Variants in CYB561A3 observed in about 807,000 individuals in gnomAD.
CYB561A3 encodes cytochrome b561 family member A3, also known as lysosomal membrane ascorbate-dependent ferrireductase CYB561A3.
A neutral mutation model predicts 25.3 loss-of-function variants in CYB561A3; 16 were observed. The ratio of observed to expected loss-of-function variants is 0.63; its 90% confidence interval spans 0.43 to 0.96. CYB561A3 has a LOEUF of 0.96. CYB561A3 is among the 40% of genes least tolerant of loss of function. The pLI is 0.00. For synonymous variants in CYB561A3, 131 were observed against 129.9 expected, an observed-to-expected ratio of 1.01 and a Z score of -0.06; for missense variants, 219 against 307.5, an observed-to-expected ratio of 0.71 and a Z score of 2.15.
At chr11:61,358,609 C>T (rs1857730474) in intron 1 of CYB561A3, 2 of 151,520 alleles carry the variant, frequency 1.3e-5, no homozygotes, top group African/African-American at 2.4e-5. Flanking sequence ...CCTTTAGTCC[C>T]AGCTAGCTAC....
intron 2 of CYB561A3, chr11:61,357,159 A>C: frequency 6.5e-7 from 1 of 1,550,300 alleles, no homozygotes; most frequent in Non-Finnish European, 8.7e-7. Context: ...TAAGATAAGA[A>C]GGCAAAAATT....
intron 1 of CYB561A3, among the ~76,000 whole-genome samples, 189 bp downstream of exon 1, chr11:61,361,544 C>G (rs577259921): frequency 1.3e-5 from 2 of 152,304 alleles, no homozygotes; most frequent in East Asian, 3.9e-4. Flanking sequence ...GTGCTTTCTG[C>G]GTCCTCTGAA....
At chr11:61,353,319 A>G in intron 4 of CYB561A3, 180 bp from the exon 5 acceptor site, 2 of 762,250 alleles carry the variant, frequency 2.6e-6, no homozygotes, top group Non-Finnish European at 4.1e-6. Flanking sequence ...CCCAAGCAAC[A>G]AGAACAGTAA....
At chr11:61,350,938 C>T in intron 6 of CYB561A3, 53 bp downstream of exon 6, 1 of 1,547,534 alleles carries the variant, frequency 6.5e-7, no homozygotes, top group East Asian at 2.3e-5. Context: ...GTGGGAGATC[C>T]TTCTCTAGAC....
rs1295099204 is a variant in CYB561A3 at position 61,349,291 on chromosome 11, G to A, written c.*1108C>T. 3 of 466,306 alleles carry A rather than the reference G, an allele frequency of 6.4e-6. No individual in the cohort carries two copies. The highest frequency in any genetic ancestry group is 1.2e-5 in the Non-Finnish European group (3 of 251,236). 28.9% of individuals were successfully genotyped at this position (466,306 alleles called of 1,614,324 possible). On this transcript the variant is annotated 3_prime_UTR_variant, in exon 7 of 7. Coordinates refer to ENST00000294072, the MANE Select transcript of CYB561A3 (RefSeq NM_153611.6). ...TGGTGGGGCCAGGTGAAGCAATGTGGGTCTCAGCAAGGAACCCCTCTGAAG... is the reference window on the plus strand; with the variant it reads ...TGGTGGGGCCAGGTGAAGCAATGTGAGTCTCAGCAAGGAACCCCTCTGAAG...
intron 5 of CYB561A3, chr11:61,352,701 A>C (rs903577131): frequency 1.2e-6 from 1 of 834,398 alleles, no homozygotes; most frequent in African/African-American, 1.8e-5. Flanking sequence ...CAACAATACC[A>C]ATCAATACCA....
Position 61,356,619 on chromosome 11 carries a change from C to T in CYB561A3, c.95G>A (p.Arg32His), listed in dbSNP as rs927310097. 21 of 1,614,072 alleles carry T rather than the reference C, an allele frequency of 1.3e-5. No individual in the cohort carries two copies. The highest frequency in any genetic ancestry group is 4.5e-5 in the East Asian group (2 of 44,900). The change falls in exon 3 of 7, where the codon CGT becomes CAT. Residue 32 changes from arginine (R) to histidine (H), a missense_variant. Coordinates refer to ENST00000294072, the MANE Select transcript of CYB561A3 (RefSeq NM_153611.6). ...LFTIYWMQYW[R>H]GGFAWNGSIY... ...GCTGCCATTCCAGGCAAAGCCACCA[C>T]GCCAGTACTGCATCCAGTAGATAGT...
Position 61,352,575 on chromosome 11 carries a change from T to G in CYB561A3, c.548+410A>C, listed in dbSNP as rs145346639. On this transcript the variant is annotated intron_variant, in intron 5 of 6. Transcript: ENST00000294072. Reference sequence around the variant, plus strand: ...ACTTGGGAGGCAGAGGCAGGAGAATTGCTTGAACCCAGCAGGTGGAGGTTG... The same window carrying G: ...ACTTGGGAGGCAGAGGCAGGAGAATGGCTTGAACCCAGCAGGTGGAGGTTG... The G allele has an allele frequency of 6.6e-3, 1,305 of 198,900 alleles. 32 individuals are homozygous for G. The highest frequency in any genetic ancestry group is 0.03 in the African/African-American group (1,259 of 41,780). 12.3% of individuals were successfully genotyped at this position (198,900 alleles called of 1,614,324 possible). A position where few individuals can be genotyped will look rare whatever the true frequency, so the allele number is the denominator to read the frequency against.
intron 5 of CYB561A3, 40 bp downstream of exon 5, chr11:61,352,945 C>T: frequency 1.2e-6 from 2 of 1,614,026 alleles, no homozygotes; most frequent in African/African-American, 1.3e-5. Flanking sequence ...ACCCTATTCC[C>T]TCCTCTTCAC....
intron 3 of CYB561A3, chr11:61,354,217 AG>A: frequency 1.7e-6 from 1 of 582,194 alleles, no homozygotes; most frequent in Non-Finnish European, 3.0e-6. Flanking sequence ...TGGTCAGGCA[AG>A]GTGGCTCATG....
At chr11:61,357,160 G>A in intron 2 of CYB561A3, 1 of 1,550,222 alleles carries the variant, frequency 6.5e-7, no homozygotes, top group Non-Finnish European at 8.7e-7. Context: ...AAGATAAGAA[G>A]GCAAAAATTA....
At chr11:61,350,564 G>A (rs1228640057) in intron 6 of CYB561A3, 142 bp from the exon 7 acceptor site, 19 of 1,046,300 alleles carry the variant, frequency 1.8e-5, no homozygotes. Context: ...CAAAGTCCCT[G>A]AGCCTGGTAC....
intron 5 of CYB561A3, chr11:61,352,699 C>A: frequency 1.3e-6 from 1 of 796,558 alleles, no homozygotes; most frequent in East Asian, 4.8e-5. Flanking sequence ...GACAACAATA[C>A]CAATCAATAC....
chr11:61,358,883 T>G (rs1857740647), intron 1 of CYB561A3: 2 of 152,268 alleles, frequency 1.3e-5, no homozygotes, highest in African/African-American at 4.8e-5. Flanking sequence ...GTCCACCTAC[T>G]TAGGTAAAGA....
At chr11:61,351,257 A>G (rs566320614) in intron 5 of CYB561A3, 110 bp from the exon 6 acceptor site, 2 of 769,804 alleles carry the variant, frequency 2.6e-6, no homozygotes, top group South Asian at 2.3e-5. Flanking sequence ...CCGGGTCCAT[A>G]TGTGATCTAG....
Position 61,349,445 on chromosome 11 carries a change from G to A in CYB561A3, c.*954C>T, listed in dbSNP as rs1857292552. On this transcript the variant is annotated 3_prime_UTR_variant, in exon 7 of 7. Transcript: ENST00000294072. ...GAGCAAGGCCAGACCTGCCCAGCGG[G>A]AGGCAGGAAGGCCCTGATCCAGCAA... is the stretch of plus-strand genomic sequence containing the variant. 1.5e-6 allele frequency: 1 copy of A among 671,160 alleles called. No individual in the cohort carries two copies. Among genetic ancestry groups the A allele is most frequent in the South Asian group, 1.6e-5 (1 of 63,358 alleles). The allele number at this position is 671,160 out of a possible 1,614,324, so 41.6% of individuals were successfully genotyped here. A position where few individuals can be genotyped will look rare whatever the true frequency, so the allele number is the denominator to read the frequency against.
At chr11:61,354,656 G>A (rs1054660914) in intron 3 of CYB561A3, 3 of 152,040 alleles carry the variant, frequency 2.0e-5, no homozygotes, top group Admixed American at 6.6e-5. Context: ...AAAGTGGAGG[G>A]GGGAAGCAGG....
Position 61,353,654 on chromosome 11 carries a change from C to G in CYB561A3, c.393+130G>C. ...ACAGCCCTTGAATAAACTGTCAGTT[C>G]TACAAGATAACAATCTGCAAGTCCC... On this transcript the variant is annotated intron_variant, in intron 4 of 6. Coordinates refer to ENST00000294072, the MANE Select transcript of CYB561A3 (RefSeq NM_153611.6). 7.7e-6 allele frequency: 8 copies of G among 1,042,858 alleles called. No individual in the cohort carries two copies. The South Asian group carries it at 1.1e-4, about 14-fold the overall frequency. 64.6% of individuals were successfully genotyped at this position (1,042,858 alleles called of 1,614,324 possible).
chr11:61,353,272 C>A, intron 4 of CYB561A3, 133 bp from the exon 5 acceptor site: 1 of 1,161,226 alleles, frequency 8.6e-7, no homozygotes, highest in Non-Finnish European at 1.2e-6. Context: ...CCTGGCATTG[C>A]CCACTACCGT....
Sources: allele counts gnomAD v4.1 joint callset (sites outside exome capture counted in the v4.1 genomes callset), GRCh38; gene constraint gnomAD v4.1.1; transcripts MANE v1.5; gene names NCBI Gene and HGNC (gene_info 2026-07-23, HGNC 2026-07-21).